The following SMCHD1 variants were observed in gnomAD, a reference collection of about 807,000 sequenced individuals.
The protein encoded by SMCHD1 is structural maintenance of chromosomes flexible hinge domain-containing protein 1.
A neutral mutation model predicts 254.7 loss-of-function variants in SMCHD1; 78 were observed. The observed-to-expected ratio is 0.31, with a 90% CI of 0.26 to 0.37. The LOEUF is 0.37. SMCHD1 is among the 10% of genes least tolerant of loss of function. The pLI is 1.00. For synonymous variants in SMCHD1, 766 were observed against 794.9 expected, an observed-to-expected ratio of 0.96 and a Z score of 0.61; for missense variants, 1,840 against 2,408.1, an observed-to-expected ratio of 0.76 and a Z score of 4.94.
intron 32 of SMCHD1, 21 bp from the exon 33 acceptor site, chr18:2,751,257 T>A: frequency 7.3e-7 from 1 of 1,378,938 alleles, no homozygotes; most frequent in Non-Finnish European, 1.0e-6. Context: ...AGAGATAATT[T>A]TTTAACGTTT....
intron 4 of SMCHD1, among the ~76,000 whole-genome samples, 169 bp from the exon 5 acceptor site, chr18:2,673,846 T>A (rs2073677045): frequency 1.3e-5 from 2 of 152,238 alleles, no homozygotes; most frequent in Non-Finnish European, 2.9e-5. Flanking sequence ...ATTCTGAGGC[T>A]TTTGATACAT....
At chr18:2,686,664 C>T (rs2074058690) in intron 5 of SMCHD1, among the ~76,000 whole-genome samples, 1 of 151,752 alleles carries the variant, frequency 6.6e-6, no homozygotes, top group South Asian at 2.1e-4. Flanking sequence ...TAAATGCAAA[C>T]TTGTGTGGGG....
intron 24 of SMCHD1, among the ~76,000 whole-genome samples, chr18:2,729,813 A>G (rs912386122): frequency 1.3e-5 from 2 of 151,540 alleles, no homozygotes; most frequent in African/African-American, 4.9e-5. Flanking sequence ...AGCTCTAGTG[A>G]TGTGCTCACC....
chr18:2,722,481 T>G, intron 19 of SMCHD1, 38 bp from the exon 20 acceptor site: 3 of 1,587,932 alleles, frequency 1.9e-6, no homozygotes, highest in Non-Finnish European at 2.6e-6. Flanking sequence ...TTCTGACCAA[T>G]GTACTTGCTT....
intron 28 of SMCHD1, among the ~76,000 whole-genome samples, 165 bp downstream of exon 28, chr18:2,740,986 A>C (rs181088249): frequency 6.6e-6 from 1 of 152,348 alleles, no homozygotes; most frequent in Non-Finnish European, 1.5e-5. Flanking sequence ...CATATGCAGA[A>C]ATAAACATAG....
chr18:2,667,090 A>G, intron 3 of SMCHD1, 59 bp downstream of exon 3: 6 of 1,212,604 alleles, frequency 4.9e-6, no homozygotes, highest in Non-Finnish European at 5.8e-6. Flanking sequence ...TCCCCTGATT[A>G]CGTATCCCAT....
chr18:2,662,020 G>A (rs1487466694), intron 1 of SMCHD1, among the ~76,000 whole-genome samples: 2 of 143,382 alleles, frequency 1.4e-5, no homozygotes, highest in Non-Finnish European at 3.0e-5. Flanking sequence ...TTAGCCGGGC[G>A]CGGTGGCAGG....
intron 25 of SMCHD1, among the ~76,000 whole-genome samples, chr18:2,734,117 C>T (rs1023312896): frequency 3.3e-5 from 5 of 152,158 alleles, no homozygotes; most frequent in African/African-American, 1.2e-4. Context: ...AATGCTTGTT[C>T]TAGCCAGCTT....
chr18:2,729,930 T>C (rs751153884), intron 24 of SMCHD1, among the ~76,000 whole-genome samples: 12 of 152,138 alleles, frequency 7.9e-5, no homozygotes, highest in Non-Finnish European at 1.6e-4. Context: ...CCCAGTCTGA[T>C]CTCAACTTCC....
chr18:2,714,807 C>G (rs983502540), intron 17 of SMCHD1, among the ~76,000 whole-genome samples: 3 of 152,058 alleles, frequency 2.0e-5, no homozygotes, highest in African/African-American at 7.2e-5. Flanking sequence ...ATTTATGAAG[C>G]TTGTTCTAGC....
At position 2,718,410 on chromosome 18, in the gene SMCHD1, A is replaced by G. The variant is rs1376711784; in HGVS notation, c.2434A>G (p.Lys812Glu). ...TTATGCAGGAAGACCACTACCATCT[A>G]AAGCAATTAAGTTTTCTGTTAAAGG... ...DTYAGRPLPS[K>E]AIKFSVKEGK... Residue 812 changes from lysine (K) to glutamate (E), a missense_variant, in exon 19 of 48, where the codon AAA becomes GAA. Physicochemically the swap from Lys to Glu is moderately conservative, Grantham distance 56 (BLOSUM62 1). Coordinates refer to ENST00000320876, the MANE Select transcript of SMCHD1 (RefSeq NM_015295.3). The surrounding 1 kb of genome is among the most constrained non-coding windows in gnomAD (Gnocchi z 4.6). 3.7e-6 allele frequency: 6 copies of G among 1,609,608 alleles called. No homozygotes were observed. The highest frequency in any genetic ancestry group is 2.7e-5 in the African/African-American group (2 of 74,738).
chr18:2,737,605 A>G (rs1001010647), intron 25 of SMCHD1, among the ~76,000 whole-genome samples: 1 of 152,096 alleles, frequency 6.6e-6, no homozygotes, highest in Non-Finnish European at 1.5e-5. Context: ...TCAGCTACTC[A>G]TGAGACTGGG....
intron 19 of SMCHD1, among the ~76,000 whole-genome samples, chr18:2,720,935 G>T (rs1455399944): frequency 6.6e-6 from 1 of 152,108 alleles, no homozygotes; most frequent in African/African-American, 2.4e-5. Flanking sequence ...TTTTAGTAGT[G>T]CTGTGTCTCT....
intron 28 of SMCHD1, among the ~76,000 whole-genome samples, chr18:2,742,858 G>C (rs919865143): frequency 1.3e-5 from 2 of 151,898 alleles, no homozygotes. Context: ...AAAATTTTTT[G>C]TAGAGACGGG....
At chr18:2,694,797 T>G (rs986547154) in intron 8 of SMCHD1, 104 bp downstream of exon 8, 6 of 932,416 alleles carry the variant, frequency 6.4e-6, no homozygotes, top group Non-Finnish European at 9.9e-6. Flanking sequence ...TTTGCTCCTG[T>G]CTCATTTTCT....
chr18:2,690,958 G>T (rs1440799724), intron 7 of SMCHD1, among the ~76,000 whole-genome samples: 1 of 134,132 alleles, frequency 7.5e-6, no homozygotes, highest in South Asian at 2.4e-4. Context: ...TTTGATAATT[G>T]AAAAAAAAAA....
intron 7 of SMCHD1, among the ~76,000 whole-genome samples, chr18:2,690,524 T>C (rs1171983617): frequency 1.3e-5 from 2 of 152,072 alleles, no homozygotes; most frequent in Non-Finnish European, 2.9e-5. Flanking sequence ...CAGGCTGGAG[T>C]GCAGTGGCAT....
intron 12 of SMCHD1, among the ~76,000 whole-genome samples, chr18:2,701,723 A>C (rs896081120): frequency 6.6e-6 from 1 of 152,180 alleles, no homozygotes; most frequent in African/African-American, 2.4e-5. Context: ...TTTGTTACAA[A>C]GTTGAGTGAA....
In SMCHD1 at chr18:2,694,752, C is replaced by T. The variant is rs77000255; in HGVS notation, c.1040+59C>T. 6.5e-4 allele frequency: 924 copies of T among 1,431,504 alleles called. 6 individuals carry two copies. In the African/African-American group the frequency reaches 0.012, roughly 19 times the overall value. 88.7% of individuals were successfully genotyped at this position (1,431,504 alleles called of 1,614,324 possible). On this transcript the variant is annotated intron_variant, in intron 8 of 47. Coordinates refer to ENST00000320876, the MANE Select transcript of SMCHD1 (RefSeq NM_015295.3). Reference sequence around the variant, plus strand: ...TACTTAACTTTTTTAAGGCAGAAAACATTACAGATATATTGAAGCCTCTTT... The same window carrying T: ...TACTTAACTTTTTTAAGGCAGAAAATATTACAGATATATTGAAGCCTCTTT...
Sources: gnomAD v4.1 joint callset for allele counts (sites outside exome capture counted in the v4.1 genomes callset) on GRCh38, gnomAD v4.1.1 for gene constraint, Gnocchi (gnomAD v3.1) non-coding constraint, MANE v1.5 for transcripts, NCBI Gene and HGNC (gene_info 2026-07-23, HGNC 2026-07-21) for gene names.